MAP3K13: variants seen among roughly 807,000 people sequenced by gnomAD.
MAP3K13 encodes leucine zipper-bearing kinase.
In MAP3K13, 52 loss-of-function variants were observed where a neutral mutation model predicts 104.0. The observed-to-expected ratio is 0.50, with a 90% confidence interval of 0.40 to 0.63. The LOEUF (loss-of-function observed/expected upper bound fraction) is 0.63, where lower values mean the gene tolerates loss of function less well. Ranked by LOEUF, MAP3K13 falls within the 20% of genes least tolerant of loss-of-function variation. MAP3K13 has a pLI of 0.00. For missense variants in MAP3K13, 914 were observed against 1,218.5 expected (o/e 0.75, Z 3.72); for synonymous variants, 394 against 442.2 (o/e 0.89, Z 1.37).
At chr3:185,397,879 G>A (rs548869962) in intron 1 of MAP3K13, among the ~76,000 whole-genome samples, 4 of 152,208 alleles carry the variant, frequency 2.6e-5, no homozygotes, top group South Asian at 2.1e-4. Context: ...AGACTGGAGC[G>A]GAGCCTGCCC....
At chr3:185,378,003 G>T (rs533745883) in intron 1 of MAP3K13, among the ~76,000 whole-genome samples, 24 of 152,236 alleles carry the variant, frequency 1.6e-4, no homozygotes, top group Admixed American at 7.8e-4. Flanking sequence ...CAAGCTCCTG[G>T]GGTGGGGGGA....
At chr3:185,440,478 A>G (rs909856672) in intron 3 of MAP3K13, among the ~76,000 whole-genome samples, 2 of 152,178 alleles carry the variant, frequency 1.3e-5, no homozygotes, top group African/African-American at 4.8e-5. Context: ...ATAATTAATC[A>G]TTTGTTTGTA....
In MAP3K13 at chr3:185,485,675, G is replaced by A. The variant is rs1006361119; in HGVS notation, c.*3219G>A. 18 of 151,836 alleles carry A rather than the reference G, an allele frequency of 1.2e-4. No homozygotes were observed. Among genetic ancestry groups the A allele is most frequent in the Non-Finnish European group, 8.8e-5 (6 of 68,004 alleles). The allele number at this position is 151,836 out of a possible 1,614,324, so 9.4% of individuals were successfully genotyped here. ...TTAATAATAGCCCCAAAGGGCAAGA[G>A]TGCTGTGCCTAATTTACAAATTAAA... On this transcript the variant is annotated 3_prime_UTR_variant, in exon 14 of 14. Coordinates refer to ENST00000265026, the MANE Select transcript of MAP3K13 (RefSeq NM_004721.5).
intron 1 of MAP3K13, among the ~76,000 whole-genome samples, chr3:185,415,635 G>A (rs1333623371): frequency 7.3e-6 from 1 of 136,282 alleles, no homozygotes; most frequent in African/African-American, 2.8e-5. Context: ...CCAGGCTGGA[G>A]TACAATGGTG....
At chr3:185,407,377 G>A (rs933696564) in intron 1 of MAP3K13, among the ~76,000 whole-genome samples, 1 of 151,910 alleles carries the variant, frequency 6.6e-6, no homozygotes, top group East Asian at 1.9e-4. Flanking sequence ...AACACTCAGG[G>A]GTACCTCTGT....
chr3:185,479,547 A>C (rs894671972), intron 12 of MAP3K13, among the ~76,000 whole-genome samples: 18 of 152,220 alleles, frequency 1.2e-4, no homozygotes, highest in Admixed American at 7.2e-4. Context: ...ATATATGTAC[A>C]TAACGTGATT....
chr3:185,296,843 T>A (rs1188667462), intron 2 of MAP3K13, among the ~76,000 whole-genome samples: 2 of 152,250 alleles, frequency 1.3e-5, no homozygotes, highest in African/African-American at 4.8e-5. Context: ...TTTATTTATA[T>A]CCTGCCTTGT....
At chr3:185,320,083 C>CTTTT (rs11382487) in intron 2 of MAP3K13, among the ~76,000 whole-genome samples, 1 of 143,794 alleles carries the variant, frequency 7.0e-6, no homozygotes. Flanking sequence ...ATGTAAGTAA[C>CTTTT]TTTTTTTTTT....
chr3:185,381,390 C>T (rs1724714708), intron 1 of MAP3K13, among the ~76,000 whole-genome samples: 2 of 152,164 alleles, frequency 1.3e-5, no homozygotes, highest in Admixed American at 6.5e-5. Flanking sequence ...ACTATATTTG[C>T]AAATTCACCT....
At chr3:185,377,226 A>G (rs1324618488) in intron 1 of MAP3K13, among the ~76,000 whole-genome samples, 1 of 152,246 alleles carries the variant, frequency 6.6e-6, no homozygotes, top group Non-Finnish European at 1.5e-5. Flanking sequence ...TTAAAAGGCC[A>G]TGCTGTAACA....
chr3:185,399,920 C>A (rs1712692866), intron 1 of MAP3K13, among the ~76,000 whole-genome samples: 1 of 151,988 alleles, frequency 6.6e-6, no homozygotes. Context: ...CACCAGAAAA[C>A]CCTCTGTCAC....
At chr3:185,434,782 A>G (rs79890164) in intron 2 of MAP3K13, among the ~76,000 whole-genome samples, 1 of 152,248 alleles carries the variant, frequency 6.6e-6, no homozygotes, top group African/African-American at 2.4e-5. Flanking sequence ...AACAGTAACT[A>G]AAGATTGAGT....
chr3:185,476,875 A>G (rs1718162185), intron 11 of MAP3K13, among the ~76,000 whole-genome samples: 1 of 152,234 alleles, frequency 6.6e-6, no homozygotes. Flanking sequence ...ACTACATAAT[A>G]TTAGTGAAAA....
intron 1 of MAP3K13, among the ~76,000 whole-genome samples, chr3:185,377,639 C>T (rs971162894): frequency 6.6e-6 from 1 of 152,156 alleles, no homozygotes; most frequent in African/African-American, 2.4e-5. Context: ...ATACCCACAA[C>T]AGTTATGGAG....
chr3:185,415,160 TA>T (rs1713675330), intron 1 of MAP3K13, among the ~76,000 whole-genome samples: 1 of 152,140 alleles, frequency 6.6e-6, no homozygotes, highest in African/African-American at 2.4e-5. Context: ...TTTTTATTTT[TA>T]TTTTTTTGTG....
At chr3:185,469,205 G>C (rs1485018099) in intron 10 of MAP3K13, among the ~76,000 whole-genome samples, 1 of 152,184 alleles carries the variant, frequency 6.6e-6, no homozygotes, top group Non-Finnish European at 1.5e-5. Flanking sequence ...CCAGGTTTCA[G>C]TTTATGTTTA....
chr3:185,306,112 C>G (rs1359315555), intron 2 of MAP3K13, among the ~76,000 whole-genome samples: 1 of 152,172 alleles, frequency 6.6e-6, no homozygotes, highest in Non-Finnish European at 1.5e-5. Flanking sequence ...AACATGATTT[C>G]ATCCTTTTTT....
Position 185,418,904 on chromosome 3 carries a change from A to T in MAP3K13, c.-85-9593A>T. 1 of 1,048,590 alleles carries T rather than the reference A, an allele frequency of 9.5e-7. No homozygotes were observed. Among genetic ancestry groups the T allele is most frequent in the Non-Finnish European group, 1.3e-6 (1 of 741,974 alleles). 65.0% of individuals were successfully genotyped at this position (1,048,590 alleles called of 1,614,324 possible). ...TCATGATCATTCTGCCTTTTCTAGA[A>T]TCAAATGTGAATCTCATTAGTAGAA... On this transcript the variant is annotated intron_variant, in intron 1 of 13. Transcript: ENST00000265026. The surrounding 1 kb of genome is among the most constrained non-coding windows in gnomAD (Gnocchi z 4.5).
intron 2 of MAP3K13, among the ~76,000 whole-genome samples, chr3:185,334,647 G>A (rs1322654447): frequency 1.3e-5 from 2 of 149,302 alleles, no homozygotes; most frequent in African/African-American, 5.0e-5. Context: ...GTCTCGCTCT[G>A]TCACCCAGGC....
Sources: gnomAD v4.1 joint callset for allele counts (sites outside exome capture counted in the v4.1 genomes callset) on GRCh38, gnomAD v4.1.1 for gene constraint, Gnocchi (gnomAD v3.1) non-coding constraint, MANE v1.5 for transcripts, NCBI Gene and HGNC (gene_info 2026-07-23, HGNC 2026-07-21) for gene names.